Variants in GALNT16 observed in about 807,000 individuals in gnomAD.
GALNT16 encodes the protein polypeptide N-acetylgalactosaminyltransferase 16, also known as UDP-GalNAc:polypeptide N-acetylgalactosaminyltransferase-like protein 1.
Under a neutral mutation model 76.1 loss-of-function variants are expected in GALNT16, and 40 were observed. The ratio of observed to expected loss-of-function variants is 0.53; its 90% CI spans 0.41 to 0.68. GALNT16 has a LOEUF of 0.68. GALNT16 is among the 30% of genes least tolerant of loss of function. The pLI, the probability that GALNT16 is intolerant of heterozygous loss-of-function variation, is 0.00. For missense variants in GALNT16, 621 were observed against 731.9 expected (o/e 0.85, Z 1.75); for synonymous variants, 276 against 285.2 (o/e 0.97, Z 0.32).
chr14:69,325,959 C>T lies in GALNT16; in HGVS notation c.503-3C>T. ...GAGCTTGCCTTCCTCTTTGCATCCT[C>T]AGCGGAAGACTGTCTACTCCTGACC... On this transcript the variant is annotated splice_polypyrimidine_tract_variant and splice_region_variant and intron_variant, in intron 4 of 14. Transcript: ENST00000448469. 6.2e-7 allele frequency: 1 copy of T among 1,612,950 alleles called. No homozygotes were observed. Among genetic ancestry groups the T allele is most frequent in the Non-Finnish European group, 8.5e-7 (1 of 1,178,942 alleles).
At chr14:69,380,703 C>T in the GALNT16 span, 19 of 920,166 alleles carry the variant, frequency 2.1e-5, no homozygotes, top group Non-Finnish European at 3.4e-5. Flanking sequence ...GTTTAAATCC[C>T]CAAATTATAA....
intron 1 of GALNT16, among the ~76,000 whole-genome samples, chr14:69,289,777 C>T (rs931347814): frequency 5.3e-5 from 8 of 152,116 alleles, no homozygotes; most frequent in African/African-American, 9.7e-5. Context: ...CTCACTCTGT[C>T]GCCCAGGCTG....
At chr14:69,311,368 AAT>A (rs1173096601) in intron 1 of GALNT16, among the ~76,000 whole-genome samples, 1 of 152,190 alleles carries the variant, frequency 6.6e-6, no homozygotes, top group African/African-American at 2.4e-5. Context: ...TTTCTGACTT[AAT>A]CACTTCCCAA....
intron 11 of GALNT16, among the ~76,000 whole-genome samples, chr14:69,340,779 C>T (rs751300134): frequency 2.0e-5 from 3 of 152,164 alleles, no homozygotes; most frequent in Non-Finnish European, 4.4e-5. Flanking sequence ...AGCCACTGCA[C>T]CTGGCCTGAA....
intron 9 of GALNT16, among the ~76,000 whole-genome samples, chr14:69,336,429 C>T (rs1210018141): frequency 2.0e-4 from 30 of 152,208 alleles, no homozygotes; most frequent in Admixed American, 2.0e-3. Flanking sequence ...CCTCTTTGAA[C>T]TTGCCAGCTG....
chr14:69,336,291 G>T (rs753360775), intron 9 of GALNT16, among the ~76,000 whole-genome samples: 30 of 152,262 alleles, frequency 2.0e-4, no homozygotes, highest in Non-Finnish European at 3.5e-4. Flanking sequence ...TGTATTTTTA[G>T]TAGAGACGGG....
chr14:69,362,771 GACTCTA>G, the GALNT16 span, among the ~76,000 whole-genome samples: 3 of 152,240 alleles, frequency 2.0e-5, no homozygotes, highest in Non-Finnish European at 4.4e-5. Context: ...AGAGCTGCTA[GACTCTA>G]AAGCTTTGAA....
the GALNT16 span, chr14:69,380,344 AAGAG>A: frequency 4.7e-6 from 2 of 424,198 alleles, no homozygotes; most frequent in East Asian, 6.9e-5. Flanking sequence ...AAAAAAAAGA[AAGAG>A]AAAGAAAAAG....
chr14:69,371,962 T>A, the GALNT16 span, among the ~76,000 whole-genome samples: 15 of 151,910 alleles, frequency 9.9e-5, no homozygotes, highest in Admixed American at 5.2e-4. Context: ...AAAAAATAAA[T>A]AATAAATAAT....
At chr14:69,361,819 A>T (rs2045726082), downstream of GALNT16, among the ~76,000 whole-genome samples, 1 of 152,128 alleles carries the variant, frequency 6.6e-6, no homozygotes, top group East Asian at 1.9e-4. Context: ...CCAGCCTGGC[A>T]TGGATGGCGA....
At chr14:69,326,658 G>A (rs556557987) in intron 5 of GALNT16, among the ~76,000 whole-genome samples, 10 of 152,300 alleles carry the variant, frequency 6.6e-5, no homozygotes, top group Admixed American at 5.2e-4. Flanking sequence ...GGGAGGGCAT[G>A]CCAGCTTGTG....
At chr14:69,292,531 C>T (rs541284641) in intron 1 of GALNT16, among the ~76,000 whole-genome samples, 2 of 152,344 alleles carry the variant, frequency 1.3e-5, no homozygotes, top group South Asian at 2.1e-4. Context: ...GACACCAAGA[C>T]GAGTCTCCTT....
intron 2 of GALNT16, among the ~76,000 whole-genome samples, chr14:69,322,785 G>A (rs142817610): frequency 1.4e-4 from 22 of 152,106 alleles, no homozygotes; most frequent in African/African-American, 4.8e-4. Context: ...CAGCTACTCG[G>A]GAGGCTAAGG....
intron 1 of GALNT16, among the ~76,000 whole-genome samples, chr14:69,284,149 C>T (rs2140120013): frequency 6.6e-6 from 1 of 152,290 alleles, no homozygotes; most frequent in South Asian, 2.1e-4. Flanking sequence ...GGACCTCCTC[C>T]TTATCTTCCC....
intron 1 of GALNT16, among the ~76,000 whole-genome samples, chr14:69,262,284 C>T (rs1338234526): frequency 6.6e-6 from 1 of 152,222 alleles, no homozygotes; most frequent in African/African-American, 2.4e-5. Flanking sequence ...AACCCGGAAC[C>T]TGAACCCTGA....
chr14:69,380,738 C>A, the GALNT16 span: 1 of 648,958 alleles, frequency 1.5e-6, no homozygotes, highest in South Asian at 1.9e-5. Context: ...CATAGATGTG[C>A]ACATTTCCAA....
chr14:69,370,152 G>A, the GALNT16 span, among the ~76,000 whole-genome samples: 1 of 152,306 alleles, frequency 6.6e-6, no homozygotes, highest in Admixed American at 6.5e-5. Context: ...TCATTAGCAT[G>A]TGTCAGAAAT....
chr14:69,344,181 C>G (rs1443173640), intron 12 of GALNT16, among the ~76,000 whole-genome samples: 1 of 152,222 alleles, frequency 6.6e-6, no homozygotes, highest in African/African-American at 2.4e-5. Flanking sequence ...TTTCCTAGGC[C>G]TGCCGTGGCT....
At chr14:69,319,794 G>A (rs2140161376) in intron 1 of GALNT16, among the ~76,000 whole-genome samples, 1 of 152,352 alleles carries the variant, frequency 6.6e-6, no homozygotes, top group South Asian at 2.1e-4. Context: ...GGCCATTTCA[G>A]GAGCAAGCAA....
Sources: allele counts gnomAD v4.1 joint callset (sites outside exome capture counted in the v4.1 genomes callset), GRCh38; gene constraint gnomAD v4.1.1; transcripts MANE v1.5; gene names NCBI Gene and HGNC (gene_info 2026-07-23, HGNC 2026-07-21).